Variants in PLEC observed in about 807,000 individuals in gnomAD.
PLEC encodes hemidesmosomal protein 1.
In PLEC, 216 loss-of-function variants were observed where a neutral mutation model predicts 392.8. The observed-to-expected ratio is 0.55, with a 90% confidence interval of 0.49 to 0.62. The LOEUF is 0.62. Among genes scored for constraint, PLEC ranks in the 20% least tolerant of loss-of-function variants. The probability of loss-of-function intolerance (pLI) is 0.00; values close to 1 mark genes in which losing one functional copy is unlikely to be tolerated. For missense variants in PLEC, 6,863 were observed against 6,563.4 expected, an observed-to-expected ratio of 1.05 and a Z score of -1.58; for synonymous variants, 3,621 against 2,980.6, an observed-to-expected ratio of 1.21 and a Z score of -7.00.
At position 143,930,278 on chromosome 8, in the gene PLEC, G is replaced by C; in HGVS notation, c.2478C>G (p.Asp826Glu). 1.2e-6 allele frequency: 2 copies of C among 1,603,110 alleles called. No individual in the cohort carries two copies. Among genetic ancestry groups the C allele is most frequent in the Non-Finnish European group, 1.7e-6 (2 of 1,178,756 alleles). Residue 826 changes from aspartate (D) to glutamate (E), a missense_variant, in exon 21 of 32, where the codon GAC becomes GAG. Coordinates refer to ENST00000345136, the MANE Select transcript of PLEC (RefSeq NM_201384.3). Reference protein sequence around the residue: ...KQVEVTVHKGDECQLVGPAQP... With the variant: ...KQVEVTVHKGEECQLVGPAQP... ...GTGCAGGGCCCACCAGCTGGCACTC[G>C]TCACCCTTGTGCACAGTCACCTGGG...
chr8:143,964,223 G>A (rs577190149), intron 1 of PLEC, among the ~76,000 whole-genome samples: 29 of 152,318 alleles, frequency 1.9e-4, no homozygotes, highest in South Asian at 1.0e-3. Flanking sequence ...AGGGACCAGA[G>A]GACAGACTGT....
rs782246688 is a variant in PLEC at position 143,929,243 on chromosome 8, G to A, written c.3120C>T (p.Val1040=). 4.5e-5 allele frequency: 72 copies of A among 1,601,798 alleles called. 1 individual carries two copies. In the Middle Eastern group the frequency reaches 1.3e-3, roughly 29 times the overall value. ...QAEVEGLGKG[V]ARLSAEAEKV... ...TCTCGGCCTCGGCAGAGAGCCGGGCGACCCCCTTGCCCAGCCCCTCCACCT... is the reference window on the plus strand; with the variant it reads ...TCTCGGCCTCGGCAGAGAGCCGGGCAACCCCCTTGCCCAGCCCCTCCACCT... The change falls in exon 25 of 32, where the codon GTC becomes GTT. Residue 1040 remains valine (V), a synonymous_variant. Coordinates refer to ENST00000345136, the MANE Select transcript of PLEC (RefSeq NM_201384.3).
exon 1 of PLEC, chr8:143,950,309 G>T: frequency 6.4e-7 from 1 of 1,572,410 alleles, no homozygotes; most frequent in East Asian, 2.3e-5. Flanking sequence ...CTCCTCCGTC[G>T]GCAGCGGCCC....
upstream of PLEC, among the ~76,000 whole-genome samples, chr8:143,975,540 T>C (rs1554745837): frequency 6.6e-6 from 1 of 151,592 alleles, no homozygotes; most frequent in African/African-American, 2.4e-5. This position sits in a 1 kb window ranked among gnomAD's most constrained non-coding sequence, Gnocchi z 9.9. Context: ...TACCCACATA[T>C]TGACCCCCAT....
upstream of PLEC, chr8:143,953,893 G>A (rs1052501632): frequency 6.6e-7 from 1 of 1,505,866 alleles, no homozygotes. Flanking sequence ...GGGCTTGCCG[G>A]CCAGGGGCGG....
intron 5 of PLEC, 70 bp from the exon 6 acceptor site, chr8:143,936,084 T>G: frequency 6.4e-7 from 1 of 1,559,296 alleles, no homozygotes; most frequent in African/African-American, 1.3e-5. Context: ...CACAGCCACA[T>G]GCACAGGGGC....
chr8:143,950,494 G>C lies in PLEC; in HGVS notation c.213C>G (p.Tyr71Ter). The C allele has an allele frequency of 6.2e-7, 1 of 1,608,642 alleles. No individual in the cohort carries two copies. The highest frequency in any genetic ancestry group is 8.5e-7 in the Non-Finnish European group (1 of 1,178,426). Residue 71 changes from tyrosine (Y) to a stop codon, truncating the protein, a stop_gained, in exon 1 of 32, where the codon TAC becomes TAG. Coordinates refer to the PLEC transcript ENST00000322810. LOFTEE classifies it high-confidence loss of function. ...CGATGCCTTCATTGGTGAGGTACCA[G>C]TAAAAGTGGCACCAGGCAAAGGTCT...
In PLEC at chr8:143,933,290, A is replaced by G; in HGVS notation, c.1325T>C (p.Leu442Ser). The G allele has an allele frequency of 6.2e-7, 1 of 1,613,050 alleles. No homozygotes were observed. The highest frequency in any genetic ancestry group is 8.5e-7 in the Non-Finnish European group (1 of 1,179,936). Residue 442 changes from leucine (L) to serine (S), a missense_variant, in exon 13 of 32, where the codon TTG becomes TCG. Physicochemically the swap from Leu to Ser is moderately radical, Grantham distance 145. Coordinates refer to ENST00000345136, the MANE Select transcript of PLEC (RefSeq NM_201384.3). ...CCGGATCATGCTATCCGCCTTGTCC[A>G]AGTCCCGTTCCACCTCCCCCGCCCG... Reference protein sequence around the residue: ...PQRAGEVERDLDKADSMIRLL... With the variant: ...PQRAGEVERDSDKADSMIRLL...
chr8:143,925,426 C>A lies in PLEC; in HGVS notation c.4503G>T (p.Arg1501Ser). Residue 1501 changes from arginine to serine, a missense_variant, in exon 31 of 32, where the codon AGG (arginine) becomes AGT (serine). Arg to Ser is a moderately radical substitution (Grantham distance 110, BLOSUM62 -1). Transcript: ENST00000345136. The stretch of plus-strand genomic sequence containing the variant: ...TACGCTGGCTCTCGTCCTGCACCTG[C>A]CTCCGCAAGCGCTCGGCCTCCTCCT... Reference protein sequence around the residue: ...QAQEEAERLRRQVQDESQRKR... With the variant: ...QAQEEAERLRSQVQDESQRKR... 6.3e-7 allele frequency: 1 copy of A among 1,594,848 alleles called. No individual in the cohort carries two copies. The highest frequency in any genetic ancestry group is 8.5e-7 in the Non-Finnish European group (1 of 1,177,592).
At chr8:143,934,975 G>A (rs1828596733) in intron 8 of PLEC, 36 bp downstream of exon 8, 2 of 1,611,060 alleles carry the variant, frequency 1.2e-6, no homozygotes, top group Non-Finnish European at 1.7e-6. Context: ...GGGGCGTCCA[G>A]GCCCAAGCCC....
upstream of PLEC, among the ~76,000 whole-genome samples, chr8:143,975,640 C>T (rs1467187167): frequency 6.6e-6 from 1 of 151,708 alleles, no homozygotes; most frequent in Non-Finnish European, 1.5e-5. This position sits in a 1 kb window ranked among gnomAD's most constrained non-coding sequence, Gnocchi z 9.9. Context: ...CACAGTGACC[C>T]CCCAGCCACT....
At chr8:143,939,606 C>T (rs951247195), upstream of PLEC, 64 of 1,481,180 alleles carry the variant, frequency 4.3e-5, no homozygotes, top group Non-Finnish European at 5.4e-5. Flanking sequence ...CCAGTCGGTG[C>T]GGCCACTCCC....
upstream of PLEC, among the ~76,000 whole-genome samples, chr8:143,957,167 G>A (rs1277328793): frequency 2.6e-5 from 4 of 152,178 alleles, no homozygotes; most frequent in Non-Finnish European, 4.4e-5. Context: ...TTTAGGCAGC[G>A]GGGAGGAAAG....
Position 143,919,000 on chromosome 8 carries a change from G to A in PLEC, c.10821C>T (p.Asp3607=), listed in dbSNP as rs782500004. The A allele has an allele frequency of 1.9e-6, 3 of 1,611,422 alleles. No homozygotes were observed. Among genetic ancestry groups the A allele is most frequent in the South Asian group, 1.1e-5 (1 of 91,092 alleles). ...CCTTGGTCACCCGGCCGGCCTGGAA[G>A]TCAGCCATCAGCTGGGCCCGCTGCT... is the stretch of plus-strand genomic sequence containing the variant. The part of the protein sequence containing the change: ...PEEQRAQLMA[D]FQAGRVTKER... Residue 3607 remains aspartate (D), a synonymous_variant, in exon 32 of 32, where the codon GAC becomes GAT. Transcript: ENST00000345136.
intron 1 of PLEC, among the ~76,000 whole-genome samples, chr8:143,964,474 G>A (rs546263045): frequency 2.0e-5 from 3 of 152,196 alleles, no homozygotes; most frequent in African/African-American, 7.2e-5. Context: ...CTGGAGTGAT[G>A]CGGCCACGAG....
upstream of PLEC, among the ~76,000 whole-genome samples, chr8:143,975,575 C>T (rs1833633023): frequency 6.6e-6 from 1 of 151,654 alleles, no homozygotes; most frequent in Admixed American, 6.6e-5. The surrounding 1 kb of genome is among the most constrained non-coding windows in gnomAD (Gnocchi z 9.9). Context: ...CACTGACTTA[C>T]CCTCTCTCCA....
At chr8:143,966,080 C>T (rs1247984021) in intron 1 of PLEC, among the ~76,000 whole-genome samples, 4 of 152,162 alleles carry the variant, frequency 2.6e-5, no homozygotes, top group Admixed American at 2.0e-4. Context: ...TCCAATCCGA[C>T]GACACCCCAA....
intron 12 of PLEC, 128 bp downstream of exon 12, chr8:143,933,870 C>G: frequency 1.3e-6 from 1 of 763,934 alleles, no homozygotes; most frequent in Non-Finnish European, 2.2e-6. Context: ...CCACCACATG[C>G]CCCGCCCCTG....
rs782181910 is a variant in PLEC, at chr8:143,923,061, C to T, written c.6868G>A (p.Ala2290Thr). ...TCTGCCAGCTGCCGCAGTCGCGCAG[C>T]CTCTTGGGCCGCCACACTCAGCCGC... ...AARLSVAAQE[A>T]ARLRQLAEED... is the part of the protein sequence containing the mutation. The change falls in exon 31 of 32, where the codon GCT (alanine) becomes ACT (threonine). Residue 2290 changes from alanine (A) to threonine (T), a missense_variant. Ala to Thr is a moderately conservative substitution (Grantham distance 58, BLOSUM62 0). Coordinates refer to ENST00000345136, the MANE Select transcript of PLEC (RefSeq NM_201384.3). The T allele has an allele frequency of 3.1e-6, 5 of 1,610,388 alleles. No individual in the cohort carries two copies. Among genetic ancestry groups the T allele is most frequent in the South Asian group, 2.2e-5 (2 of 91,022 alleles).
Sources: allele counts gnomAD v4.1 joint callset (sites outside exome capture counted in the v4.1 genomes callset), GRCh38; gene constraint gnomAD v4.1.1; non-coding constraint Gnocchi (gnomAD v3.1); transcripts MANE v1.5; gene names NCBI Gene and HGNC (gene_info 2026-07-23, HGNC 2026-07-21).